Variants in CLASP2 observed in about 807,000 individuals in gnomAD.
CLASP2 encodes cytoplasmic linker associated protein 2, also known as CLIP-associating protein 2.
Under a neutral mutation model 194.4 loss-of-function variants are expected in CLASP2, and 47 were observed. The observed-to-expected ratio is 0.24, with a 90% CI of 0.19 to 0.31. The LOEUF (loss-of-function observed/expected upper bound fraction) is 0.31. CLASP2 is among the 10% of genes least tolerant of loss of function. CLASP2 has a pLI of 1.00. For missense variants in CLASP2, 1,445 were observed against 1,823.6 expected (o/e 0.79, Z 3.78); for synonymous variants, 619 against 633.5 (o/e 0.98, Z 0.34).
At chr3:33,608,518 C>T (rs1434258523) in intron 14 of CLASP2, 49 bp downstream of exon 14, 1 of 1,393,126 alleles carries the variant, frequency 7.2e-7, no homozygotes, top group South Asian at 1.2e-5. Context: ...TTCTAAAGAA[C>T]TGGTGACAAT....
rs1240178683 is a variant in CLASP2 at position 33,496,625 on chromosome 3, G to A, written c.*2006C>T. 1 of 152,098 alleles carries A rather than the reference G, an allele frequency of 6.6e-6. No homozygotes were observed. 9.4% of individuals were successfully genotyped at this position (152,098 alleles called of 1,614,324 possible). A position where few individuals can be genotyped will look rare whatever the true frequency, so the allele number is the denominator to read the frequency against. ...TGCCAGGTGCTTATCTAATTTTCCA[G>A]TTAGTTACTGTTCAGCTTAAGTCAC... is the stretch of plus-strand genomic sequence containing the variant. On this transcript the variant is annotated 3_prime_UTR_variant, in exon 39 of 39. Coordinates refer to ENST00000682230, the MANE Select transcript of CLASP2 (RefSeq NM_001365631.1).
chr3:33,531,723 C>G (rs1575981245), intron 34 of CLASP2, among the ~76,000 whole-genome samples: 1 of 152,182 alleles, frequency 6.6e-6, no homozygotes, highest in East Asian at 1.9e-4. Flanking sequence ...TGCAGTGAGC[C>G]AAGATCGCGC....
intron 6 of CLASP2, among the ~76,000 whole-genome samples, chr3:33,665,917 T>C (rs933556930): frequency 6.6e-6 from 1 of 152,038 alleles, no homozygotes; most frequent in Non-Finnish European, 1.5e-5. Context: ...ATTAGGAAAT[T>C]CAATGGAAGA....
Position 33,560,909 on chromosome 3 carries a change from T to C in CLASP2, c.2829A>G (p.Gln943=), listed in dbSNP as rs776747568. The C allele has an allele frequency of 2.5e-6, 4 of 1,613,848 alleles. No individual in the cohort carries two copies. Among genetic ancestry groups the C allele is most frequent in the African/African-American group, 2.7e-5 (2 of 75,044 alleles). Residue 943 remains glutamine (Q), a synonymous_variant, in exon 28 of 39, where the codon CAA becomes CAG. Coordinates refer to ENST00000682230, the MANE Select transcript of CLASP2 (RefSeq NM_001365631.1). ...GTGTCAGCAGTACAAACAACCAATC[T>C]TGAAGATCATCTTTGTGGACTTGTA... ...DFIQVHKDDL[Q]DWLFVLLTQL...
chr3:33,688,439 C>G (rs538809089), intron 3 of CLASP2, 71 bp from the exon 4 acceptor site: 1 of 1,113,786 alleles, frequency 9.0e-7, no homozygotes, highest in Non-Finnish European at 1.3e-6. Flanking sequence ...TTATTTCTTC[C>G]CAATCTTACT....
In CLASP2 at chr3:33,708,506, G is replaced by GTATA. The variant is rs200209597; in HGVS notation, c.195+9298_195+9301dup. 2.4e-4 allele frequency among the ~76,000 whole-genome samples: 14 copies of GTATA among 58,506 alleles called. No individual in the cohort carries two copies. In the Admixed American group the frequency reaches 3.4e-3, roughly 14 times the overall value. The allele number at this position is 58,506 out of a possible 152,430, so 38.4% of individuals were successfully genotyped here. On this transcript the variant is annotated intron_variant, in intron 1 of 38. Coordinates refer to ENST00000682230, the MANE Select transcript of CLASP2 (RefSeq NM_001365631.1). ...TGTGTGTATGTATATATATATATAT[G>GTATA]TATATATATGTATATATGTATATAT...
chr3:33,708,515 T>C (rs571073254), intron 1 of CLASP2, among the ~76,000 whole-genome samples: 159 of 116,858 alleles, frequency 1.4e-3, no homozygotes, highest in Admixed American at 3.1e-3. Flanking sequence ...TGTATATATA[T>C]GTATATATGT....
chr3:33,516,029 A>G lies in CLASP2; in HGVS notation c.4104T>C (p.His1368=). 1 of 1,609,840 alleles carries G rather than the reference A, an allele frequency of 6.2e-7. No individual in the cohort carries two copies. The highest frequency in any genetic ancestry group is 8.5e-7 in the Non-Finnish European group (1 of 1,178,286). Residue 1368 remains histidine (H), a synonymous_variant, in exon 36 of 39, where the codon CAT becomes CAC. Coordinates refer to ENST00000682230, the MANE Select transcript of CLASP2 (RefSeq NM_001365631.1). ...TACCGGCCAGGTAACTTACCTCCTT[A>G]TGAGGATCTTTATGTGCTTCCAATG... is the stretch of plus-strand genomic sequence containing the variant. ...MKTLEAHKDP[H]KEVVRSAEEA... is the part of the protein sequence containing the mutation.
chr3:33,662,975 G>C (rs1314719485), intron 7 of CLASP2, among the ~76,000 whole-genome samples: 3 of 152,054 alleles, frequency 2.0e-5, no homozygotes, highest in African/African-American at 7.2e-5. Context: ...GATTATGCTA[G>C]TGAAGTTCCT....
chr3:33,606,686 A>G lies in CLASP2; in HGVS notation c.1599T>C (p.Tyr533=), dbSNP rs2073921725. The G allele has an allele frequency of 5.6e-6, 9 of 1,613,452 alleles. No homozygotes were observed. The East Asian group carries it at 1.8e-4, about 32-fold the overall frequency. ...TTAAGTAAGTTTGAAGACTCTTCTG[A>G]TAAGATGGCTCAAGGGAATTATATA... is the stretch of plus-strand genomic sequence containing the variant. ...ETLYNSLEPS[Y]QKSLQTYLKS... is the part of the protein sequence containing the mutation. The change falls in exon 16 of 39, where the codon TAT becomes TAC. Residue 533 remains tyrosine (Y), a synonymous_variant. Coordinates refer to ENST00000682230, the MANE Select transcript of CLASP2 (RefSeq NM_001365631.1).
chr3:33,664,173 T>C (rs540116506), intron 6 of CLASP2, among the ~76,000 whole-genome samples: 2 of 152,318 alleles, frequency 1.3e-5, no homozygotes, highest in East Asian at 1.9e-4. Context: ...AAAAACCACA[T>C]TTCTATCATT....
Position 33,572,128 on chromosome 3 carries a change from A to C in CLASP2, c.2699+982T>G, listed in dbSNP as rs2063899271. On this transcript the variant is annotated intron_variant, in intron 25 of 38. Coordinates refer to ENST00000682230, the MANE Select transcript of CLASP2 (RefSeq NM_001365631.1). The stretch of plus-strand genomic sequence containing the variant: ...GCTTACTCCCTTGCCATTTAAAATG[A>C]CCAACACATGAATCCTATCCTTTTA... Among the ~76,000 whole-genome samples, 3 of 152,320 alleles carry C rather than the reference A, an allele frequency of 2.0e-5. No individual in the cohort carries two copies. In the South Asian group the frequency reaches 6.2e-4, roughly 32 times the overall value.
At chr3:33,501,157 C>CA (rs1349827342) in intron 38 of CLASP2, among the ~76,000 whole-genome samples, 2 of 152,096 alleles carry the variant, frequency 1.3e-5, no homozygotes, top group Admixed American at 6.6e-5. Flanking sequence ...TATTTTAACA[C>CA]ACCAAGTTAA....
In CLASP2 at chr3:33,611,987, A is replaced by C. The variant is rs758746360; in HGVS notation, c.1388+14T>G. 2.1e-5 allele frequency: 33 copies of C among 1,581,586 alleles called. No homozygotes were observed. Among genetic ancestry groups the C allele is most frequent in the East Asian group, 2.0e-4 (9 of 44,598 alleles). On this transcript the variant is annotated intron_variant, in intron 13 of 38. Transcript: ENST00000682230. ...GCTATACTAACAACAACAACAACAA[A>C]AAATTAAACTTACCTCCTCACGGGA...
intron 1 of CLASP2, among the ~76,000 whole-genome samples, chr3:33,713,971 T>C (rs2093164880): frequency 6.6e-6 from 1 of 152,228 alleles, no homozygotes; most frequent in African/African-American, 2.4e-5. Context: ...AAAAGGAATA[T>C]GGATATTCTA....
Position 33,517,104 on chromosome 3 carries a change from T to G in CLASP2, c.3858A>C (p.Val1286=), listed in dbSNP as rs776038384. The change falls in exon 35 of 39, where the codon GTA becomes GTC. Residue 1286 remains valine (V), a synonymous_variant. Coordinates refer to ENST00000682230, the MANE Select transcript of CLASP2 (RefSeq NM_001365631.1). ...CATAGAGGGCAATTTTTCTTTCTTC[T>G]ACACGCTCATTATGGTTAGACAGCT... The part of the protein sequence containing the change: ...LKELSNHNER[V]EERKIALYEL... 6.2e-7 allele frequency: 1 copy of G among 1,613,716 alleles called. No individual in the cohort carries two copies. Among genetic ancestry groups the G allele is most frequent in the Admixed American group, 1.7e-5 (1 of 60,004 alleles).
At chr3:33,541,913 C>T (rs1472508287) in intron 32 of CLASP2, among the ~76,000 whole-genome samples, 31 of 152,206 alleles carry the variant, frequency 2.0e-4, no homozygotes, top group Admixed American at 2.0e-3. Flanking sequence ...GGAATTGCCA[C>T]ACTATCTTCC....
chr3:33,594,907 AATGTAG>A, intron 20 of CLASP2, 38 bp downstream of exon 20: 1 of 1,101,516 alleles, frequency 9.1e-7, no homozygotes, highest in Non-Finnish European at 1.2e-6. Flanking sequence ...TGAAAATAGT[AATGTAG>A]ATGTATTTGT....
At chr3:33,551,478 T>C in intron 29 of CLASP2, 83 bp from the exon 30 acceptor site, 1 of 1,389,212 alleles carries the variant, frequency 7.2e-7, no homozygotes, top group Non-Finnish European at 9.7e-7. Context: ...AATCAGGTGA[T>C]GATGATGATT....
Sources: gnomAD v4.1 joint callset for allele counts (sites outside exome capture counted in the v4.1 genomes callset) on GRCh38, gnomAD v4.1.1 for gene constraint, MANE v1.5 for transcripts, NCBI Gene and HGNC (gene_info 2026-07-23, HGNC 2026-07-21) for gene names.